Variants in SCN11A observed in about 807,000 individuals in gnomAD.
The protein encoded by SCN11A is sodium channel protein type 11 subunit alpha.
SCN11A carries 122 observed loss-of-function variants against 162.2 expected under a neutral mutation model. The observed-to-expected ratio is 0.75, with a 90% confidence interval of 0.65 to 0.87. SCN11A has a LOEUF of 0.87. Among genes scored for constraint, SCN11A ranks in the 40% least tolerant of loss-of-function variants. The probability of loss-of-function intolerance (pLI) is 0.00; values close to 1 mark genes in which losing one functional copy is unlikely to be tolerated. For synonymous variants in SCN11A, 758 were observed against 751.5 expected, an observed-to-expected ratio of 1.01 and a Z score of -0.14; for missense variants, 2,015 against 2,181.6, an observed-to-expected ratio of 0.92 and a Z score of 1.52.
chr3:38,907,424 A>G (rs1301669462), intron 14 of SCN11A, among the ~76,000 whole-genome samples: 2 of 150,068 alleles, frequency 1.3e-5, no homozygotes, highest in East Asian at 2.0e-4. Context: ...TTAAACTCCA[A>G]CTACCTGGCT....
At chr3:39,043,641 A>G (rs1333486266) in intron 1 of SCN11A, among the ~76,000 whole-genome samples, 1 of 151,964 alleles carries the variant, frequency 6.6e-6, no homozygotes, top group Non-Finnish European at 1.5e-5. Context: ...GAACTCATGG[A>G]TACAGAGAAT....
chr3:39,015,792 A>G (rs2031273995), intron 2 of SCN11A, among the ~76,000 whole-genome samples: 1 of 152,184 alleles, frequency 6.6e-6, no homozygotes, highest in African/African-American at 2.4e-5. Context: ...GCTGGAGTGC[A>G]GTGGCGTGGT....
At chr3:38,902,801 G>A (rs776534690) in intron 16 of SCN11A, among the ~76,000 whole-genome samples, 4 of 151,920 alleles carry the variant, frequency 2.6e-5, no homozygotes, top group Non-Finnish European at 4.4e-5. Context: ...ACAGGCGTGA[G>A]CCACTGTGCT....
intron 2 of SCN11A, among the ~76,000 whole-genome samples, chr3:38,965,991 TA>T (rs200148776): frequency 6.7e-5 from 10 of 148,582 alleles, no homozygotes; most frequent in East Asian, 2.0e-4. Flanking sequence ...TAAAAAAAAT[TA>T]AAAAAAAAAG....
chr3:38,901,404 T>C (rs2065696785), intron 16 of SCN11A, among the ~76,000 whole-genome samples: 1 of 152,148 alleles, frequency 6.6e-6, no homozygotes, highest in Non-Finnish European at 1.5e-5. Context: ...CCTAGATAAT[T>C]GTGTAGTCAT....
chr3:38,904,590 A>T (rs186873299), intron 15 of SCN11A, among the ~76,000 whole-genome samples: 4 of 152,208 alleles, frequency 2.6e-5, no homozygotes, highest in South Asian at 2.1e-4. Context: ...TTTCCCTGGC[A>T]CCGCTGCAGG....
intron 2 of SCN11A, among the ~76,000 whole-genome samples, chr3:38,980,019 C>T (rs1252769928): frequency 6.6e-6 from 1 of 152,190 alleles, no homozygotes; most frequent in African/African-American, 2.4e-5. Flanking sequence ...CTGCAGCTCA[C>T]GTATGGCCCA....
chr3:38,897,759 T>A (rs928486999), intron 17 of SCN11A, among the ~76,000 whole-genome samples: 1 of 151,694 alleles, frequency 6.6e-6, no homozygotes, highest in African/African-American at 2.4e-5. Context: ...AGTTTTTTAA[T>A]CATTAAGGAC....
intron 7 of SCN11A, among the ~76,000 whole-genome samples, chr3:38,933,621 T>A (rs2066280583): frequency 6.6e-6 from 1 of 152,020 alleles, no homozygotes. Flanking sequence ...AGAAAGGGTA[T>A]CAGTGATGGA....
chr3:39,030,350 T>C (rs2031715031), intron 2 of SCN11A, among the ~76,000 whole-genome samples: 1 of 152,102 alleles, frequency 6.6e-6, no homozygotes, highest in African/African-American at 2.4e-5. Context: ...TTCCCGGTCC[T>C]AACAAAAAAT....
intron 2 of SCN11A, among the ~76,000 whole-genome samples, chr3:38,971,212 T>G (rs2066815017): frequency 6.6e-6 from 1 of 152,042 alleles, no homozygotes. Context: ...TGGAGCTCAG[T>G]GGCATAATCA....
At chr3:38,987,300 C>G (rs1168526755) in intron 2 of SCN11A, among the ~76,000 whole-genome samples, 5 of 111,344 alleles carry the variant, frequency 4.5e-5, no homozygotes, top group Admixed American at 4.0e-4. Flanking sequence ...CTCTCTCTCT[C>G]TCTCACACAC....
chr3:38,879,839 A>C, intron 23 of SCN11A, 111 bp downstream of exon 23: 2 of 804,060 alleles, frequency 2.5e-6, no homozygotes, highest in Non-Finnish European at 3.9e-6. Flanking sequence ...TAACAAGAAA[A>C]ACTATTTTAG....
At chr3:38,874,399 A>G (rs574401810) in intron 23 of SCN11A, among the ~76,000 whole-genome samples, 76 of 152,246 alleles carry the variant, frequency 5.0e-4, no homozygotes, top group African/African-American at 1.8e-3. Context: ...GGAGTCTGAG[A>G]CCAGCCTGGG....
At chr3:38,900,642 A>AG (rs1302177514) in intron 16 of SCN11A, among the ~76,000 whole-genome samples, 1 of 151,716 alleles carries the variant, frequency 6.6e-6, no homozygotes, top group East Asian at 1.9e-4. Flanking sequence ...AAAAAAAAAA[A>AG]AAGTCTTTGA....
At position 38,950,176 on chromosome 3, in the gene SCN11A, G is replaced by A; in HGVS notation, c.187C>T (p.Pro63Ser). 1 of 1,612,948 alleles carries A rather than the reference G, an allele frequency of 6.2e-7. No individual in the cohort carries two copies. Among genetic ancestry groups the A allele is most frequent in the Non-Finnish European group, 8.5e-7 (1 of 1,179,868 alleles). Residue 63 changes from proline to serine, a missense_variant, in exon 5 of 30, where the codon CCC (proline) becomes TCC (serine). Transcript: ENST00000302328. ...QLDLKASRKL[P>S]KLYGDIPREL... ...CGAGGAATGTCGCCATAGAGCTTGG[G>A]CAACTTCCTGGAGGCCTTTAGGTCA...
chr3:38,886,162 T>C lies in SCN11A; in HGVS notation c.2912A>G (p.Glu971Gly). 6.2e-7 allele frequency: 1 copy of C among 1,613,064 alleles called. No homozygotes were observed. The highest frequency in any genetic ancestry group is 8.5e-7 in the Non-Finnish European group (1 of 1,179,826). The change falls in exon 20 of 30, where the codon GAA becomes GGA. Residue 971 changes from glutamate (E) to glycine (G), a missense_variant. Glu to Gly is a moderately conservative substitution (Grantham distance 98). Transcript: ENST00000302328. ...CTGTATGGTCAGATGAGGCTCATCT[T>C]CAGAGAACATGTCAATTTCCACACT... is the stretch of plus-strand genomic sequence containing the variant. Reference protein sequence around the residue: ...VQSVEIDMFSEDEPHLTIQDP... With the variant: ...VQSVEIDMFSGDEPHLTIQDP...
chr3:39,048,049 A>G (rs150258703), intron 1 of SCN11A, among the ~76,000 whole-genome samples: 14 of 152,326 alleles, frequency 9.2e-5, no homozygotes, highest in African/African-American at 3.4e-4. Context: ...CAGTATGTCA[A>G]AGAGATACCT....
chr3:38,904,083 GCT>G lies in SCN11A; in HGVS notation c.1622_1623del (p.Glu541AlafsTer26). 6.4e-7 allele frequency: 1 copy of G among 1,574,252 alleles called. No homozygotes were observed. The highest frequency in any genetic ancestry group is 8.6e-7 in the Non-Finnish European group (1 of 1,163,010). On this transcript the variant is annotated frameshift_variant, in exon 16 of 30. Coordinates refer to ENST00000302328, the MANE Select transcript of SCN11A (RefSeq NM_001349253.2). LOFTEE classifies it high-confidence loss of function. ...ITMKEQEKSQEPCLPCGENLA... is the reference protein window; with the variant it reads ...ITMKEQEKSQXPCLPCGENLA... ...AGGTTTTCTCCACAAGGGAGACAAG[GCT>G]CTTGTGATTTTTCTTGTTCTGGAGG...
Sources: allele counts gnomAD v4.1 joint callset (sites outside exome capture counted in the v4.1 genomes callset), GRCh38; gene constraint gnomAD v4.1.1; transcripts MANE v1.5; gene names NCBI Gene and HGNC (gene_info 2026-07-23, HGNC 2026-07-21).